The following PLCG2 variants were observed in gnomAD, a reference collection of about 807,000 sequenced individuals.
PLCG2 encodes the protein 1-phosphatidylinositol 4,5-bisphosphate phosphodiesterase gamma-2.
A neutral mutation model predicts 175.6 loss-of-function variants in PLCG2; 69 were observed. The observed-to-expected ratio is 0.39, with a 90% CI of 0.32 to 0.48. PLCG2 has a LOEUF of 0.48. Ranked by LOEUF, PLCG2 falls within the 20% of genes least tolerant of loss-of-function variation. The pLI is 0.91. For synonymous variants in PLCG2, 827 were observed against 624.0 expected, an observed-to-expected ratio of 1.33 and a Z score of -4.85; for missense variants, 1,798 against 1,650.9, an observed-to-expected ratio of 1.09 and a Z score of -1.54.
chr16:81,918,897 TC>T (rs1352709180), intron 19 of PLCG2, among the ~76,000 whole-genome samples: 2 of 94,026 alleles, frequency 2.1e-5, no homozygotes, highest in South Asian at 3.1e-4. Flanking sequence ...AAGACTTGTT[TC>T]TTTTTTTTTT....
intron 22 of PLCG2, among the ~76,000 whole-genome samples, chr16:81,925,795 G>T (rs1910240824): frequency 6.6e-6 from 1 of 151,870 alleles, no homozygotes; most frequent in Admixed American, 6.5e-5. Flanking sequence ...GCTGAGGCAG[G>T]AGAATTGCTT....
At chr16:81,899,678 G>A (rs1909059362) in intron 13 of PLCG2, among the ~76,000 whole-genome samples, 1 of 152,146 alleles carries the variant, frequency 6.6e-6, no homozygotes, top group East Asian at 1.9e-4. Flanking sequence ...ATGGCCCGAA[G>A]CACAGTGGTG....
chr16:81,908,519 C>CG lies in PLCG2; in HGVS notation c.1667dup (p.Lys557GlnfsTer16). On this transcript the variant is annotated frameshift_variant, in exon 17 of 33. Transcript: ENST00000564138. LOFTEE classifies it high-confidence loss of function. ...TTGCTGCAGGAATACTGCATGGAGA[C>CG]GGGGGGCAAGGATGGCACCTTCCTG... The CG allele has an allele frequency of 1.2e-6, 2 of 1,613,824 alleles. No individual in the cohort carries two copies. Among genetic ancestry groups the CG allele is most frequent in the Non-Finnish European group, 1.7e-6 (2 of 1,179,964 alleles).
At chr16:81,902,946 A>G (rs1909214263) in intron 14 of PLCG2, among the ~76,000 whole-genome samples, 1 of 152,166 alleles carries the variant, frequency 6.6e-6, no homozygotes, top group African/African-American at 2.4e-5. Context: ...CAAGAACAGC[A>G]CGTGAAAGGC....
chr16:81,871,021 A>G, intron 7 of PLCG2, 86 bp downstream of exon 7: 3 of 681,694 alleles, frequency 4.4e-6, no homozygotes, highest in Non-Finnish European at 5.0e-6. Flanking sequence ...GAAACCCACA[A>G]GAAGTGTTGA....
intron 2 of PLCG2, among the ~76,000 whole-genome samples, chr16:81,789,576 A>G (rs1284227402): frequency 1.3e-5 from 2 of 152,174 alleles, no homozygotes; most frequent in African/African-American, 4.8e-5. Flanking sequence ...GACAGGAACT[A>G]CCATGCCCGG....
chr16:81,779,769 G>A (rs571395153), intron 1 of PLCG2, among the ~76,000 whole-genome samples: 98 of 152,280 alleles, frequency 6.4e-4, no homozygotes, highest in African/African-American at 2.2e-3. Flanking sequence ...GGCTCTGCGT[G>A]GGGTGGCGCC....
intron 8 of PLCG2, among the ~76,000 whole-genome samples, chr16:81,882,132 C>T (rs1392471362): frequency 2.0e-5 from 3 of 152,198 alleles, no homozygotes; most frequent in Admixed American, 6.5e-5. Context: ...CTCTTTTCCC[C>T]AGGCTCCTGC....
At chr16:81,895,760 G>A (rs749219803) in intron 12 of PLCG2, 47 bp from the exon 13 acceptor site, 5 of 1,609,750 alleles carry the variant, frequency 3.1e-6, no homozygotes, top group Non-Finnish European at 3.4e-6. Flanking sequence ...CCTCGGGGCT[G>A]TCAGTGAACA....
Position 81,959,554 on chromosome 16 carries a change from A to G in PLCG2, c.*1556A>G. 1 of 204,876 alleles carries G rather than the reference A, an allele frequency of 4.9e-6. No homozygotes were observed. The highest frequency in any genetic ancestry group is 1.0e-5 in the Non-Finnish European group (1 of 100,008). 12.7% of individuals were successfully genotyped at this position (204,876 alleles called of 1,614,324 possible). A position where few individuals can be genotyped will look rare whatever the true frequency, so the allele number is the denominator to read the frequency against. ...TGAAGCCAGGAACACAGGGAACAGCAGTCTGGCCAAGGAAGGGCTGTTATC... is the reference window on the plus strand; with the variant it reads ...TGAAGCCAGGAACACAGGGAACAGCGGTCTGGCCAAGGAAGGGCTGTTATC... On this transcript the variant is annotated 3_prime_UTR_variant, in exon 33 of 33. Coordinates refer to ENST00000564138, the MANE Select transcript of PLCG2 (RefSeq NM_002661.5).
chr16:81,798,023 G>T (rs1336296639), intron 2 of PLCG2, among the ~76,000 whole-genome samples: 2 of 151,984 alleles, frequency 1.3e-5, no homozygotes, highest in African/African-American at 2.4e-5. Flanking sequence ...TAGAGATGGG[G>T]TTCCACCATG....
intron 6 of PLCG2, among the ~76,000 whole-genome samples, chr16:81,870,045 C>A (rs968902308): frequency 1.3e-5 from 2 of 152,156 alleles, no homozygotes; most frequent in Admixed American, 6.5e-5. Flanking sequence ...TTAATGAGCT[C>A]CTGGAAAAAT....
intron 7 of PLCG2, among the ~76,000 whole-genome samples, chr16:81,877,760 G>A (rs1025565461): frequency 3.4e-5 from 5 of 148,238 alleles, no homozygotes; most frequent in African/African-American, 7.4e-5. Flanking sequence ...GCTTCTTGGC[G>A]TGTAGATGTC....
intron 18 of PLCG2, among the ~76,000 whole-genome samples, chr16:81,911,447 C>G (rs1454446765): frequency 6.6e-6 from 1 of 152,010 alleles, no homozygotes; most frequent in Non-Finnish European, 1.5e-5. Flanking sequence ...GAAGATGAAT[C>G]AATTTTTTGA....
intron 5 of PLCG2, 137 bp downstream of exon 5, chr16:81,859,300 G>T: frequency 1.6e-6 from 1 of 624,052 alleles, no homozygotes. Context: ...CGGATGCCAT[G>T]TTGGGTCCTG....
chr16:81,836,494 A>T (rs1433366759), intron 2 of PLCG2, among the ~76,000 whole-genome samples: 1 of 152,144 alleles, frequency 6.6e-6, no homozygotes, highest in Non-Finnish European at 1.5e-5. Flanking sequence ...TAATTCCAGC[A>T]CTTTGGGAGG....
At chr16:81,922,449 T>C (rs571210172) in intron 21 of PLCG2, among the ~76,000 whole-genome samples, 31 of 152,384 alleles carry the variant, frequency 2.0e-4, no homozygotes, top group African/African-American at 7.5e-4. Flanking sequence ...TTAGCGATAC[T>C]ATAGTTAGCA....
rs577726376 is a variant in PLCG2 at position 81,923,381 on chromosome 16, C to G, written c.2308-104C>G. The G allele has an allele frequency of 2.9e-4, 192 of 671,940 alleles. No homozygotes were observed. The African/African-American group carries it at 3.3e-3, about 12-fold the overall frequency. The allele number at this position is 671,940 out of a possible 1,614,324, so 41.6% of individuals were successfully genotyped here. A position where few individuals can be genotyped will look rare whatever the true frequency, so the allele number is the denominator to read the frequency against. ...TGACTTTGTAACCTTGGCCTGAAGC[C>G]TCCTGCTCCCCAATGAGAAGAACCA... is the stretch of plus-strand genomic sequence containing the variant. On this transcript the variant is annotated intron_variant, in intron 21 of 32. Transcript: ENST00000564138.
At chr16:81,764,377 A>T (rs1167858918) in intron 2 of PLCG2, among the ~76,000 whole-genome samples, 1 of 152,210 alleles carries the variant, frequency 6.6e-6, no homozygotes, top group Admixed American at 6.5e-5. Context: ...CCTGGACCCC[A>T]TCTCTCCATG....
Sources: gnomAD v4.1 joint callset for allele counts (sites outside exome capture counted in the v4.1 genomes callset) on GRCh38, gnomAD v4.1.1 for gene constraint, MANE v1.5 for transcripts, NCBI Gene and HGNC (gene_info 2026-07-23, HGNC 2026-07-21) for gene names.